Variants in KDM5C observed in about 807,000 individuals in gnomAD.
KDM5C encodes the protein lysine-specific demethylase 5C.
KDM5C carries 16 observed loss-of-function variants against 110.6 expected under a neutral mutation model. That is an observed-to-expected ratio of 0.14 (90% CI 0.10 to 0.22). The LOEUF (loss-of-function observed/expected upper bound fraction) is 0.22, where lower values mean the gene tolerates loss of function less well. Ranked by LOEUF, KDM5C falls within the 10% of genes least tolerant of loss-of-function variation. The pLI is 1.00. For synonymous variants in KDM5C, 511 were observed against 520.4 expected (o/e 0.98, Z 0.24); for missense variants, 681 against 1,300.9 (o/e 0.52, Z 7.33).
At chrX:53,195,595 G>A (rs1934782263) in intron 20 of KDM5C, 185 bp from the exon 21 acceptor site, 5 of 506,532 alleles carry the variant, frequency 9.9e-6, no homozygotes, top group South Asian at 2.9e-5. Flanking sequence ...GACTGGCTCA[G>A]CCCCAAATAT....
chrX:53,194,385 G>A lies in KDM5C; in HGVS notation c.3792C>T (p.Ala1264=). 8.3e-7 allele frequency: 1 copy of A among 1,212,005 alleles called. No homozygotes were observed. ...RLETILALLV[A]LQRLPVRLPE... is the part of the protein sequence containing the mutation. ...GCAGCCGCACAGGCAGTCTCTGCAGGGCTACCAGCAGTGCCAGGATGGTCT... is the reference window on the plus strand; with the variant it reads ...GCAGCCGCACAGGCAGTCTCTGCAGAGCTACCAGCAGTGCCAGGATGGTCT... The change falls in exon 23 of 26, where the codon GCC becomes GCT. Residue 1264 remains alanine, a synonymous_variant. Transcript: ENST00000375401.
At chrX:53,204,206 T>C (rs2073243393) in intron 12 of KDM5C, among the ~76,000 whole-genome samples, 1 of 108,852 alleles carries the variant, frequency 9.2e-6, no homozygotes, top group African/African-American at 3.3e-5. Flanking sequence ...AGGTCTTTCC[T>C]TGCAGGCCAG....
chrX:53,211,193 TGAACACTACTTATGG>T (rs782283361), intron 10 of KDM5C, among the ~76,000 whole-genome samples: 123 of 112,045 alleles, frequency 1.1e-3, no homozygotes, highest in African/African-American at 3.8e-3. Context: ...CCCCACTCCC[TGAACACTACTTATGG>T]ATGAGCCAGG....
chrX:53,222,583 G>A (rs1010040659), intron 1 of KDM5C, among the ~76,000 whole-genome samples: 2 of 111,589 alleles, frequency 1.8e-5, no homozygotes, highest in South Asian at 7.6e-4. Context: ...GGCAGCCCTG[G>A]AATGCTACGG....
chrX:53,186,906 T>C (rs1055680993), downstream of KDM5C, among the ~76,000 whole-genome samples: 1 of 112,403 alleles, frequency 8.9e-6, no homozygotes, highest in Non-Finnish European at 1.9e-5. Context: ...ATTGACAAGG[T>C]CTGAGGAAGA....
Position 53,218,552 on chromosome X carries a change from G to A in KDM5C, c.229-154C>T, listed in dbSNP as rs782812950. On this transcript the variant is annotated intron_variant, in intron 2 of 25. Transcript: ENST00000375401. ...AACCGGATCCCAGACTCTAGGCAGTGCTTAGCCCCACCTCACTCTCATTTC... is the reference window on the plus strand; with the variant it reads ...AACCGGATCCCAGACTCTAGGCAGTACTTAGCCCCACCTCACTCTCATTTC... 8 of 629,405 alleles carry A rather than the reference G, an allele frequency of 1.3e-5. No individual in the cohort carries two copies. The South Asian group carries it at 1.9e-4, about 15-fold the overall frequency. 51.9% of individuals were successfully genotyped at this position (629,405 alleles called of 1,213,427 possible). A position where few individuals can be genotyped will look rare whatever the true frequency, so the allele number is the denominator to read the frequency against.
At chrX:53,202,547 A>G (rs1239502457) in intron 12 of KDM5C, 1 of 119,246 alleles carries the variant, frequency 8.4e-6, no homozygotes, top group Non-Finnish European at 1.7e-5. Flanking sequence ...TTTCCTATCA[A>G]TTTTCATCTT....
At chrX:53,211,241 A>G (rs781907041) in intron 10 of KDM5C, among the ~76,000 whole-genome samples, 7 of 111,759 alleles carry the variant, frequency 6.3e-5, no homozygotes, top group Non-Finnish European at 1.3e-4. Context: ...TTCTCATTTA[A>G]TTTTTATAAC....
At chrX:53,202,126 C>G in intron 12 of KDM5C, 153 bp from the exon 13 acceptor site, 1 of 603,479 alleles carries the variant, frequency 1.7e-6, no homozygotes. Context: ...AAAGGAAGGA[C>G]CACTGGTCTC....
chrX:53,194,845 G>A, intron 22 of KDM5C, 86 bp downstream of exon 22: 3 of 1,191,055 alleles, frequency 2.5e-6, no homozygotes, highest in South Asian at 3.6e-5. Flanking sequence ...TGAGGCTCAG[G>A]GGACAAGCGG....
chrX:53,190,450 T>G (rs1173049412), downstream of KDM5C, among the ~76,000 whole-genome samples: 6 of 112,529 alleles, frequency 5.3e-5, no homozygotes, highest in African/African-American at 1.9e-4. Context: ...GCACCATCTC[T>G]TCCTCTCCTG....
At chrX:53,178,680 T>C (rs991136842) in intron 25 of KDM5C, among the ~76,000 whole-genome samples, 1 of 112,253 alleles carries the variant, frequency 8.9e-6, no homozygotes, top group Non-Finnish European at 1.9e-5. Flanking sequence ...GAAGATAACA[T>C]AGGAGAACAT....
At position 53,193,527 on chromosome X, in the gene KDM5C, G is replaced by T; in HGVS notation, c.4227C>A (p.Leu1409=). The change falls in exon 25 of 26, where the codon CTC becomes CTA. Residue 1409 remains leucine, a synonymous_variant. Transcript: ENST00000375401. Reference sequence around the variant, plus strand: ...TGTGGTTCTCATCCAGGGTCACCTCGAGCAGGTCCCCCTCCATCATGAGCT... The same window carrying T: ...TGTGGTTCTCATCCAGGGTCACCTCTAGCAGGTCCCCCTCCATCATGAGCT... ...LEELMMEGDL[L]EVTLDENHSI... 2.5e-6 allele frequency: 3 copies of T among 1,211,835 alleles called. No individual in the cohort carries two copies. Among genetic ancestry groups the T allele is most frequent in the South Asian group, 3.5e-5 (2 of 57,011 alleles).
At chrX:53,196,084 T>G (rs200339461) in intron 19 of KDM5C, 30 bp from the exon 20 acceptor site, 41 of 1,205,149 alleles carry the variant, frequency 3.4e-5, no homozygotes, top group Non-Finnish European at 4.4e-5. Context: ...GAACGCTCAG[T>G]CTGATGTGGT....
chrX:53,220,780 G>T, intron 2 of KDM5C, 59 bp downstream of exon 2: 2 of 950,910 alleles, frequency 2.1e-6, no homozygotes, highest in Non-Finnish European at 3.0e-6. Context: ...TAAGGGAAGT[G>T]GGATTAGAAC....
In KDM5C at chrX:53,196,005, T is replaced by C; in HGVS notation, c.3031A>G (p.Asn1011Asp). Residue 1011 changes from asparagine to aspartate, a missense_variant, in exon 20 of 26, where the codon AAC (asparagine) becomes GAC (aspartate). Asn to Asp is a conservative substitution (Grantham distance 23). Coordinates refer to ENST00000375401, the MANE Select transcript of KDM5C (RefSeq NM_004187.5). Reference protein sequence around the residue: ...TLEAIIREAENIPVHLPNIQA... With the variant: ...TLEAIIREAEDIPVHLPNIQA... ...ATGTTGGGCAGGTGAACAGGGATGTTTTCCGCTTCACGGATTATGGCCTCA... is the reference window on the plus strand; with the variant it reads ...ATGTTGGGCAGGTGAACAGGGATGTCTTCCGCTTCACGGATTATGGCCTCA... 1.7e-6 allele frequency: 2 copies of C among 1,212,081 alleles called. No homozygotes were observed. Among genetic ancestry groups the C allele is most frequent in the Non-Finnish European group, 2.2e-6 (2 of 895,441 alleles).
rs1556849128 is a variant in KDM5C at position 53,211,860 on chromosome X, C to T, written c.1169G>A (p.Arg390Gln). The T allele has an allele frequency of 8.3e-6, 10 of 1,209,239 alleles. No homozygotes were observed. In the East Asian group the frequency reaches 8.9e-5, roughly 11 times the overall value. ...GCCAAAGCTCTGCAGAGTGTATTCC[C>T]GGGTAGCCTGCTCAAAGCCAAAGGC... ...PEAFGFEQAT[R>Q]EYTLQSFGEM... is the part of the protein sequence containing the mutation. The change falls in exon 9 of 26, where the codon CGG (arginine) becomes CAG (glutamine). Residue 390 changes from arginine (R) to glutamine (Q), a missense_variant. Arg to Gln is a conservative substitution (Grantham distance 43). Transcript: ENST00000375401.
chrX:53,222,670 A>G (rs1378467270), intron 1 of KDM5C, among the ~76,000 whole-genome samples: 1 of 111,645 alleles, frequency 9.0e-6, no homozygotes, highest in Non-Finnish European at 1.9e-5. Context: ...ACTGTATGCC[A>G]AATGTATGTT....
At chrX:53,178,020 A>G (rs782198781) in intron 25 of KDM5C, among the ~76,000 whole-genome samples, 2 of 110,957 alleles carry the variant, frequency 1.8e-5, no homozygotes, top group Admixed American at 1.9e-4. Flanking sequence ...TACTCTGCTC[A>G]GCCAATATTT....
Sources: gnomAD v4.1 joint callset for allele counts (sites outside exome capture counted in the v4.1 genomes callset) on GRCh38, gnomAD v4.1.1 for gene constraint, MANE v1.5 for transcripts, NCBI Gene and HGNC (gene_info 2026-07-23, HGNC 2026-07-21) for gene names.